Variants in DOCK10 observed in about 807,000 individuals in gnomAD.
The protein encoded by DOCK10 is dedicator of cytokinesis protein 10.
A neutral mutation model predicts 280.1 loss-of-function variants in DOCK10; 145 were observed. That is an observed-to-expected ratio of 0.52 (90% CI 0.45 to 0.59). The LOEUF (loss-of-function observed/expected upper bound fraction) is 0.59, where lower values mean the gene tolerates loss of function less well. Ranked by LOEUF, DOCK10 falls within the 20% of genes least tolerant of loss-of-function variation. The pLI, the probability that DOCK10 is intolerant of heterozygous loss-of-function variation, is 0.00. For synonymous variants in DOCK10, 915 were observed against 942.2 expected, an observed-to-expected ratio of 0.97 and a Z score of 0.53; for missense variants, 2,368 against 2,651.7, an observed-to-expected ratio of 0.89 and a Z score of 2.35.
At position 225,017,288 on chromosome 2, in the gene DOCK10, C is replaced by T. The variant is rs532137201; in HGVS notation, c.123+24964G>A. On this transcript the variant is annotated intron_variant, in intron 1 of 55. Transcript: ENST00000258390. The stretch of plus-strand genomic sequence containing the variant: ...ATCAACTAGGGATGGAATTAACCCA[C>T]CAATTTTTATTTTTGAAGACAGCTT... Among the ~76,000 whole-genome samples the T allele has an allele frequency of 3.9e-5, 6 of 152,164 alleles. No homozygotes were observed. In the South Asian group the frequency reaches 1.0e-3, roughly 26 times the overall value.
In DOCK10 at chr2:224,793,380, C is replaced by T. The variant is rs1692339686; in HGVS notation, c.5212+20G>A. On this transcript the variant is annotated intron_variant, in intron 46 of 55. Transcript: ENST00000258390. ...GTGTTGATATCTAGGCTTTTTGCCTCCCTCATGTGGTCATCTTACCCTTTC... is the reference window on the plus strand; with the variant it reads ...GTGTTGATATCTAGGCTTTTTGCCTTCCTCATGTGGTCATCTTACCCTTTC... 8 of 1,603,332 alleles carry T rather than the reference C, an allele frequency of 5.0e-6. No homozygotes were observed. The highest frequency in any genetic ancestry group is 6.8e-6 in the Non-Finnish European group (8 of 1,174,468).
chr2:224,903,135 CTT>C (rs375608645), intron 3 of DOCK10, among the ~76,000 whole-genome samples: 246 of 152,178 alleles, frequency 1.6e-3, no homozygotes, highest in Middle Eastern at 0.01. Flanking sequence ...AACAAAAAAA[CTT>C]ATACCACACA....
At chr2:224,768,726 A>T (rs1157927531) in intron 55 of DOCK10, 1 of 233,924 alleles carries the variant, frequency 4.3e-6, no homozygotes, top group Non-Finnish European at 8.8e-6. Context: ...CTACCTTGAA[A>T]TGGAAATGGA....
At chr2:224,890,841 A>C (rs972768684) in intron 4 of DOCK10, among the ~76,000 whole-genome samples, 4 of 152,294 alleles carry the variant, frequency 2.6e-5, no homozygotes, top group Middle Eastern at 3.4e-3. Context: ...CAGAGGTTTG[A>C]GTTGCACACG....
At chr2:224,874,190 A>G in intron 10 of DOCK10, 39 bp from the exon 11 acceptor site, 1 of 1,573,594 alleles carries the variant, frequency 6.4e-7, no homozygotes, top group Non-Finnish European at 8.6e-7. Context: ...CATCCAACAT[A>G]AAAAAGAAAT....
At chr2:224,952,679 G>A (rs1430364184) in intron 1 of DOCK10, among the ~76,000 whole-genome samples, 9 of 147,250 alleles carry the variant, frequency 6.1e-5, no homozygotes, top group Non-Finnish European at 1.0e-4. Flanking sequence ...TGCAAGCTCC[G>A]CCTCCCGGGT....
At chr2:224,933,673 T>G (rs1702522227) in intron 1 of DOCK10, among the ~76,000 whole-genome samples, 1 of 152,216 alleles carries the variant, frequency 6.6e-6, no homozygotes, top group South Asian at 2.1e-4. Context: ...GTTCTTCAGC[T>G]TAAGTATATG....
chr2:224,879,771 A>T (rs1698868770), intron 7 of DOCK10, among the ~76,000 whole-genome samples: 1 of 152,150 alleles, frequency 6.6e-6, no homozygotes, highest in South Asian at 2.1e-4. Context: ...AATAAAAAAA[A>T]AAATTAAAAA....
At position 224,886,111 on chromosome 2, in the gene DOCK10, G is replaced by A. The variant is rs770906837; in HGVS notation, c.564C>T (p.Leu188=). ...CGGTGCTGTTAAAATTCCCCTTGTA[G>A]AGCCAGCCGGACTTGAAAACACCAG... is the stretch of plus-strand genomic sequence containing the variant. ...GGTGVFKSGW[L]YKGNFNSTVN... is the part of the protein sequence containing the mutation. Residue 188 remains leucine, a synonymous_variant, in exon 6 of 56, where the codon CTC becomes CTT. Transcript: ENST00000258390. 9 of 1,613,702 alleles carry A rather than the reference G, an allele frequency of 5.6e-6. No homozygotes were observed. Among genetic ancestry groups the A allele is most frequent in the Non-Finnish European group, 7.6e-6 (9 of 1,179,870 alleles).
intron 1 of DOCK10, among the ~76,000 whole-genome samples, chr2:225,012,029 A>ATAT (rs1689453921): frequency 6.6e-6 from 1 of 152,216 alleles, no homozygotes; most frequent in Admixed American, 6.5e-5. Flanking sequence ...GCTTTGCCCA[A>ATAT]TATTATTATT....
chr2:224,798,292 T>A (rs912717168), intron 41 of DOCK10, among the ~76,000 whole-genome samples: 2 of 152,068 alleles, frequency 1.3e-5, no homozygotes, highest in Non-Finnish European at 2.9e-5. Context: ...CCTGGAGAGA[T>A]CTGGGAGGAC....
intron 40 of DOCK10, among the ~76,000 whole-genome samples, chr2:224,800,966 G>A (rs1372651128): frequency 6.6e-6 from 1 of 152,068 alleles, no homozygotes; most frequent in Non-Finnish European, 1.5e-5. Flanking sequence ...GGTTATAGGT[G>A]TATTCAAAGA....
At chr2:225,026,093 A>C (rs976923378) in intron 1 of DOCK10, among the ~76,000 whole-genome samples, 1 of 152,132 alleles carries the variant, frequency 6.6e-6, no homozygotes, top group Admixed American at 6.5e-5. Context: ...AAGAGAAAAA[A>C]GGAAGTGTCC....
chr2:225,034,642 C>G (rs564082198), intron 1 of DOCK10, among the ~76,000 whole-genome samples: 2 of 152,166 alleles, frequency 1.3e-5, no homozygotes, highest in Non-Finnish European at 2.9e-5. Context: ...AGGGACTCCA[C>G]CCCTCTTATT....
intron 47 of DOCK10, 67 bp from the exon 48 acceptor site, chr2:224,789,237 C>G: frequency 1.1e-6 from 1 of 949,510 alleles, no homozygotes; most frequent in Non-Finnish European, 1.7e-6. Context: ...TAGATAATGC[C>G]TTTCTTCATG....
chr2:224,953,968 T>G (rs562801869), intron 1 of DOCK10, among the ~76,000 whole-genome samples: 91 of 152,116 alleles, frequency 6.0e-4, no homozygotes, highest in African/African-American at 2.1e-3. Context: ...ATTGTGTGTG[T>G]GGGGTAGATG....
intron 1 of DOCK10, among the ~76,000 whole-genome samples, chr2:225,024,727 CA>C (rs60970681): frequency 1.2e-3 from 177 of 145,308 alleles, no homozygotes; most frequent in African/African-American, 2.3e-3. Flanking sequence ...ACTAAAAATA[CA>C]AAAAAAAAAA....
intron 7 of DOCK10, among the ~76,000 whole-genome samples, chr2:224,882,121 AG>A (rs1368734636): frequency 6.6e-6 from 1 of 152,230 alleles, no homozygotes; most frequent in Non-Finnish European, 1.5e-5. Flanking sequence ...TTGCTGAGAT[AG>A]GGACCTAAAA....
At chr2:224,928,813 T>C (rs1702173074) in intron 2 of DOCK10, among the ~76,000 whole-genome samples, 2 of 152,236 alleles carry the variant, frequency 1.3e-5, no homozygotes, top group African/African-American at 2.4e-5. Flanking sequence ...TTTTGTGTTT[T>C]CCACACAGAG....
Sources: allele counts gnomAD v4.1 joint callset (sites outside exome capture counted in the v4.1 genomes callset), GRCh38; gene constraint gnomAD v4.1.1; transcripts MANE v1.5; gene names NCBI Gene and HGNC (gene_info 2026-07-23, HGNC 2026-07-21).